Variants in HMGCLL1 observed in about 807,000 individuals in gnomAD.
HMGCLL1 encodes 3-hydroxymethyl-3-methylglutaryl-CoA lyase, cytoplasmic.
Under a neutral mutation model 39.1 loss-of-function variants are expected in HMGCLL1, and 36 were observed. That is an observed-to-expected ratio of 0.92 (90% confidence interval 0.71 to 1.22). HMGCLL1 has a LOEUF of 1.22. Ranked by LOEUF, HMGCLL1 falls within the 50% of genes most tolerant of loss-of-function variation. HMGCLL1 has a pLI of 0.00. For synonymous variants in HMGCLL1, 149 were observed against 144.0 expected, an observed-to-expected ratio of 1.03 and a Z score of -0.25; for missense variants, 451 against 416.5, an observed-to-expected ratio of 1.08 and a Z score of -0.72.
chr6:55,516,206 G>C (rs1434986621), intron 4 of HMGCLL1, among the ~76,000 whole-genome samples: 1 of 151,952 alleles, frequency 6.6e-6, no homozygotes, highest in Non-Finnish European at 1.5e-5. Flanking sequence ...TGCTTAAATA[G>C]TATTCTATAT....
the HMGCLL1 span, among the ~76,000 whole-genome samples, chr6:55,647,024 C>G: frequency 6.6e-6 from 1 of 151,898 alleles, no homozygotes; most frequent in Non-Finnish European, 1.5e-5. Flanking sequence ...GTCTATGTCT[C>G]TTTTTATCTC....
intron 6 of HMGCLL1, among the ~76,000 whole-genome samples, chr6:55,496,796 G>A (rs186565584): frequency 2.0e-5 from 3 of 152,136 alleles, no homozygotes; most frequent in Admixed American, 6.6e-5. Flanking sequence ...TCAAGATAAC[G>A]AAAATCAAAA....
chr6:55,582,852 G>A (rs538250143), upstream of HMGCLL1, among the ~76,000 whole-genome samples: 24 of 151,670 alleles, frequency 1.6e-4, no homozygotes, highest in African/African-American at 3.6e-4. Flanking sequence ...TTGGCTGTAC[G>A]ATACCTGTAT....
At chr6:55,590,185 G>A in the HMGCLL1 span, among the ~76,000 whole-genome samples, 1 of 152,028 alleles carries the variant, frequency 6.6e-6, no homozygotes, top group Non-Finnish European at 1.5e-5. Context: ...AAACAGCATG[G>A]TACTGTTACT....
chr6:55,587,019 A>C, the HMGCLL1 span, among the ~76,000 whole-genome samples: 1 of 152,078 alleles, frequency 6.6e-6, no homozygotes, highest in African/African-American at 2.4e-5. Context: ...CCAACAGTGT[A>C]AAAGTGTTCC....
At chr6:55,609,243 T>C in the HMGCLL1 span, among the ~76,000 whole-genome samples, 3 of 151,900 alleles carry the variant, frequency 2.0e-5, no homozygotes, top group Non-Finnish European at 4.4e-5. Context: ...GGGGGAGGGG[T>C]GGCAGCCATC....
chr6:55,653,249 C>T, the HMGCLL1 span, among the ~76,000 whole-genome samples: 1 of 151,984 alleles, frequency 6.6e-6, no homozygotes, highest in Non-Finnish European at 1.5e-5. Flanking sequence ...AAGTTCTTCC[C>T]CAGTATTTTT....
At chr6:55,596,506 A>G in the HMGCLL1 span, among the ~76,000 whole-genome samples, 11 of 151,568 alleles carry the variant, frequency 7.3e-5, no homozygotes, top group Non-Finnish European at 1.3e-4. Context: ...TGAATATTAC[A>G]TGATGTAAAA....
chr6:55,559,092 C>T (rs1423629512), intron 1 of HMGCLL1, among the ~76,000 whole-genome samples: 16 of 152,022 alleles, frequency 1.1e-4, no homozygotes, highest in Non-Finnish European at 2.4e-4. Flanking sequence ...CCTAAGGGAA[C>T]GCCAGTCTAA....
chr6:55,579,234 A>T (rs1771926107), upstream of HMGCLL1: 2 of 600,844 alleles, frequency 3.3e-6, no homozygotes, highest in African/African-American at 3.7e-5. Flanking sequence ...GGGGCGTGGC[A>T]GGTGGCCGCG....
At chr6:55,485,755 A>T (rs1765992089) in intron 7 of HMGCLL1, among the ~76,000 whole-genome samples, 1 of 152,114 alleles carries the variant, frequency 6.6e-6, no homozygotes, top group Admixed American at 6.6e-5. Context: ...TCAAATGCAA[A>T]TCGAGTTGGC....
chr6:55,473,451 C>T (rs1188043102), intron 7 of HMGCLL1, among the ~76,000 whole-genome samples: 1 of 151,236 alleles, frequency 6.6e-6, no homozygotes, highest in Non-Finnish European at 1.5e-5. Flanking sequence ...ACCTTGTTAA[C>T]TAAAGTCCAC....
the HMGCLL1 span, among the ~76,000 whole-genome samples, chr6:55,677,051 T>A: frequency 6.6e-6 from 1 of 152,216 alleles, no homozygotes; most frequent in Admixed American, 6.5e-5. Flanking sequence ...TAATTGTTAT[T>A]TCTAGGCTTT....
At chr6:55,476,480 T>C (rs191090074) in intron 7 of HMGCLL1, among the ~76,000 whole-genome samples, 37 of 151,812 alleles carry the variant, frequency 2.4e-4, no homozygotes, top group African/African-American at 8.9e-4. Flanking sequence ...TGTTGGAAGT[T>C]TGAATACACA....
At chr6:55,612,528 T>C in the HMGCLL1 span, among the ~76,000 whole-genome samples, 1 of 152,168 alleles carries the variant, frequency 6.6e-6, no homozygotes, top group Non-Finnish European at 1.5e-5. Flanking sequence ...GCTGGAGGCA[T>C]CACACTACCT....
chr6:55,665,220 C>A, the HMGCLL1 span, among the ~76,000 whole-genome samples: 2 of 151,604 alleles, frequency 1.3e-5, no homozygotes, highest in African/African-American at 2.4e-5. Context: ...AAATTATCTT[C>A]AGGGGCAAAC....
intron 1 of HMGCLL1, among the ~76,000 whole-genome samples, chr6:55,547,151 A>T (rs1293966321): frequency 6.6e-6 from 1 of 152,064 alleles, no homozygotes; most frequent in African/African-American, 2.4e-5. Context: ...AAGATTAAAT[A>T]CATCACCAAC....
intron 5 of HMGCLL1, among the ~76,000 whole-genome samples, chr6:55,502,425 A>G (rs1218589502): frequency 6.6e-6 from 1 of 151,618 alleles, no homozygotes; most frequent in Non-Finnish European, 1.5e-5. Flanking sequence ...TTTCAAACAT[A>G]TTTCTCATAT....
the HMGCLL1 span, among the ~76,000 whole-genome samples, chr6:55,651,718 G>A: frequency 4.6e-5 from 7 of 152,182 alleles, no homozygotes; most frequent in South Asian, 1.4e-3. Flanking sequence ...GGACCCCAGA[G>A]CACTTCAACC....
Sources: allele counts gnomAD v4.1 joint callset (sites outside exome capture counted in the v4.1 genomes callset), GRCh38; gene constraint gnomAD v4.1.1; transcripts MANE v1.5; gene names NCBI Gene and HGNC (gene_info 2026-07-23, HGNC 2026-07-21).